The following SORCS2 variants were observed in gnomAD, a reference collection of about 807,000 sequenced individuals.
SORCS2 encodes sortilin related VPS10 domain containing receptor 2, also known as VPS10 domain-containing receptor SorCS2.
In SORCS2, 100 loss-of-function variants were observed where a neutral mutation model predicts 141.6. The ratio of observed to expected loss-of-function variants is 0.71; its 90% CI spans 0.60 to 0.83. The LOEUF is 0.83. SORCS2 is among the 40% of genes least tolerant of loss of function. The pLI is 0.00. For missense variants in SORCS2, 1,646 were observed against 1,560.2 expected (o/e 1.05, Z -0.93); for synonymous variants, 789 against 676.9 (o/e 1.17, Z -2.57).
chr4:7,692,345 G>T (rs1256826032), intron 11 of SORCS2, among the ~76,000 whole-genome samples: 3 of 152,200 alleles, frequency 2.0e-5, no homozygotes, highest in Non-Finnish European at 4.4e-5. Flanking sequence ...CCCAGAGGCA[G>T]GCAGACAAGA....
chr4:7,193,028 T>C lies in SORCS2; in HGVS notation c.382T>C (p.Ser128Pro). The C allele has an allele frequency of 6.6e-7, 1 of 1,505,102 alleles. No homozygotes were observed. Among genetic ancestry groups the C allele is most frequent in the Non-Finnish European group, 8.8e-7 (1 of 1,136,508 alleles). The allele number at this position is 1,505,102 out of a possible 1,614,324, so 93.2% of individuals were successfully genotyped here. A position where few individuals can be genotyped will look rare whatever the true frequency, so the allele number is the denominator to read the frequency against. Residue 128 changes from serine to proline, a missense_variant, in exon 1 of 27, where the codon TCG (serine) becomes CCG (proline). Ser to Pro is a moderately conservative substitution (Grantham distance 74). Transcript: ENST00000507866. This position sits in a 1 kb window ranked among gnomAD's most constrained non-coding sequence, Gnocchi z 4.8. ...GGCGGCGCCGCTGGCCGGAGTGGCT[T>C]CGCGGGCGCAGGTCTCGCTCATCAG... Reference protein sequence around the residue: ...ERAAPLAGVASRAQVSLISTS... With the variant: ...ERAAPLAGVAPRAQVSLISTS...
intron 14 of SORCS2, among the ~76,000 whole-genome samples, chr4:7,710,852 C>T (rs1014403359): frequency 5.9e-5 from 9 of 152,250 alleles, no homozygotes; most frequent in Non-Finnish European, 1.3e-4. Context: ...GCTAGGAGGG[C>T]TCCCAGGCCG....
At chr4:7,320,758 G>A (rs1718846498) in intron 1 of SORCS2, among the ~76,000 whole-genome samples, 1 of 152,142 alleles carries the variant, frequency 6.6e-6, no homozygotes, top group African/African-American at 2.4e-5. Context: ...GGGTGAGATG[G>A]AAAGCGTGAT....
chr4:7,339,313 A>AGGAGTCCAAG (rs1720224906), intron 1 of SORCS2, among the ~76,000 whole-genome samples: 1 of 152,240 alleles, frequency 6.6e-6, no homozygotes, highest in Non-Finnish European at 1.5e-5. Context: ...AAGGATGTGC[A>AGGAGTCCAAG]CAGGAAGGAG....
intron 2 of SORCS2, among the ~76,000 whole-genome samples, chr4:7,530,059 C>T (rs906135232): frequency 6.6e-6 from 1 of 152,202 alleles, no homozygotes; most frequent in African/African-American, 2.4e-5. Flanking sequence ...ACGTGGCCAG[C>T]ATGCCCAGAG....
At position 7,680,607 on chromosome 4, in the gene SORCS2, C is replaced by A. The variant is rs1723464704; in HGVS notation, c.1342-2136C>A. On this transcript the variant is annotated intron_variant, in intron 9 of 26. Coordinates refer to ENST00000507866, the MANE Select transcript of SORCS2 (RefSeq NM_020777.3). Reference sequence around the variant, plus strand: ...GCAGAGAGGAAGGCTACCCTCTAGACCACAGCATCCTATGCAGATAATACA... The same window carrying A: ...GCAGAGAGGAAGGCTACCCTCTAGAACACAGCATCCTATGCAGATAATACA... Among the ~76,000 whole-genome samples, 3 of 152,220 alleles carry A rather than the reference C, an allele frequency of 2.0e-5. No individual in the cohort carries two copies. The South Asian group carries it at 6.2e-4, about 32-fold the overall frequency.
chr4:7,724,169 G>GTGGTGGTGATGGTGA (rs1726834299), intron 19 of SORCS2, among the ~76,000 whole-genome samples: 4 of 147,470 alleles, frequency 2.7e-5, no homozygotes, highest in African/African-American at 7.7e-5. Context: ...GGTGATGGTG[G>GTGGTGGTGATGGTGA]TGATGGTGAT....
chr4:7,201,397 G>C lies in SORCS2; in HGVS notation c.480+8271G>C, dbSNP rs1406140957. ...GCGATTTAATTTGTAGTTGCGTGAA[G>C]GTTCCTGAGAGTATTCTAAAGAGGT... On this transcript the variant is annotated intron_variant, in intron 1 of 26. Transcript: ENST00000507866. This position sits in a 1 kb window ranked among gnomAD's most constrained non-coding sequence, Gnocchi z 4.4. 6.6e-6 allele frequency among the ~76,000 whole-genome samples: 1 copy of C among 152,234 alleles called. No homozygotes were observed. The highest frequency in any genetic ancestry group is 1.5e-5 in the Non-Finnish European group (1 of 68,042).
At chr4:7,583,506 A>T (rs1446655249) in intron 3 of SORCS2, among the ~76,000 whole-genome samples, 1 of 152,154 alleles carries the variant, frequency 6.6e-6, no homozygotes, top group African/African-American at 2.4e-5. Flanking sequence ...CTTTAATTGT[A>T]GCTCCCATAA....
chr4:7,408,386 G>GTTTTTTTTTT, intron 2 of SORCS2, among the ~76,000 whole-genome samples: 1 of 149,862 alleles, frequency 6.7e-6, no homozygotes, highest in Non-Finnish European at 1.5e-5. Context: ...TTGGATGACA[G>GTTTTTTTTTT]TTTTTTTTTT....
intron 1 of SORCS2, among the ~76,000 whole-genome samples, chr4:7,371,215 G>T (rs752400605): frequency 6.6e-6 from 1 of 152,178 alleles, no homozygotes; most frequent in Non-Finnish European, 1.5e-5. Context: ...TATGGGGATC[G>T]TGCCCACGTG....
intron 4 of SORCS2, among the ~76,000 whole-genome samples, chr4:7,649,460 C>T (rs891384955): frequency 9.9e-5 from 15 of 152,038 alleles, no homozygotes; most frequent in African/African-American, 3.1e-4. Flanking sequence ...TCTGCAGCTG[C>T]AGGACCGAGG....
At chr4:7,282,996 CATTA>C (rs1450907233) in intron 1 of SORCS2, among the ~76,000 whole-genome samples, 8 of 152,156 alleles carry the variant, frequency 5.3e-5, no homozygotes, top group Non-Finnish European at 1.0e-4. Context: ...TTCATTCATC[CATTA>C]ATTCACTCAT....
chr4:7,597,687 A>G (rs532065652), intron 3 of SORCS2, among the ~76,000 whole-genome samples: 1 of 141,728 alleles, frequency 7.1e-6, no homozygotes, highest in South Asian at 2.4e-4. Context: ...GGGCTACACA[A>G]TGGGAAGGAG....
At chr4:7,236,619 T>A (rs1712294924) in intron 1 of SORCS2, among the ~76,000 whole-genome samples, 1 of 152,228 alleles carries the variant, frequency 6.6e-6, no homozygotes, top group Non-Finnish European at 1.5e-5. Context: ...TCTCGCTCTG[T>A]CACCCAGGCT....
intron 10 of SORCS2, among the ~76,000 whole-genome samples, chr4:7,688,431 C>T (rs939963541): frequency 2.6e-5 from 4 of 152,100 alleles, no homozygotes; most frequent in African/African-American, 9.7e-5. Context: ...TTTAAGGTGG[C>T]AAATACAATG....
chr4:7,274,523 T>C (rs1469212155), intron 1 of SORCS2, among the ~76,000 whole-genome samples: 1 of 150,976 alleles, frequency 6.6e-6, no homozygotes, highest in South Asian at 2.1e-4. Context: ...CTGGCTGGAG[T>C]GGGAGGAAGA....
At chr4:7,655,067 C>G (rs527691233) in intron 5 of SORCS2, among the ~76,000 whole-genome samples, 2 of 152,304 alleles carry the variant, frequency 1.3e-5, no homozygotes, top group East Asian at 1.9e-4. Context: ...GGGCCAGGAG[C>G]CAGTGCAGCC....
intron 3 of SORCS2, among the ~76,000 whole-genome samples, chr4:7,542,358 G>A (rs1006696210): frequency 1.3e-5 from 2 of 152,114 alleles, no homozygotes; most frequent in Non-Finnish European, 2.9e-5. Flanking sequence ...AGCTGTAATC[G>A]AGGTAAAATG....
Sources: gnomAD v4.1 joint callset for allele counts (sites outside exome capture counted in the v4.1 genomes callset) on GRCh38, gnomAD v4.1.1 for gene constraint, Gnocchi (gnomAD v3.1) non-coding constraint, MANE v1.5 for transcripts, NCBI Gene and HGNC (gene_info 2026-07-23, HGNC 2026-07-21) for gene names.